ARHGAP42: variants seen among roughly 807,000 people sequenced by gnomAD.
The protein encoded by ARHGAP42 is Rho GTPase activating protein 42.
ARHGAP42 carries 63 observed loss-of-function variants against 125.0 expected under a neutral mutation model. The observed-to-expected ratio is 0.50, with a 90% CI of 0.41 to 0.62. The LOEUF (loss-of-function observed/expected upper bound fraction) is 0.62. Among genes scored for constraint, ARHGAP42 ranks in the 20% least tolerant of loss-of-function variants. The pLI is 0.00. For missense variants in ARHGAP42, 766 were observed against 1,024.2 expected, an observed-to-expected ratio of 0.75 and a Z score of 3.44; for synonymous variants, 339 against 351.0, an observed-to-expected ratio of 0.97 and a Z score of 0.38.
chr11:100,722,117 G>C (rs754364065), intron 1 of ARHGAP42, among the ~76,000 whole-genome samples: 1 of 152,164 alleles, frequency 6.6e-6, no homozygotes, highest in Non-Finnish European at 1.5e-5. Flanking sequence ...GGTGCTGTCA[G>C]TGTTTTGGAT....
At chr11:100,878,713 A>T (rs1341453330) in intron 4 of ARHGAP42, among the ~76,000 whole-genome samples, 4 of 152,120 alleles carry the variant, frequency 2.6e-5, no homozygotes, top group Non-Finnish European at 4.4e-5. Context: ...AGTCAGTGGC[A>T]AGAGCATCCT....
At chr11:100,768,354 T>C (rs1385949982) in intron 1 of ARHGAP42, among the ~76,000 whole-genome samples, 1 of 151,760 alleles carries the variant, frequency 6.6e-6, no homozygotes, top group Non-Finnish European at 1.5e-5. Context: ...TGAAGAAAGG[T>C]GGGGGATGAG....
At chr11:100,758,520 GACTGGCAGGC>G (rs1332269414) in intron 1 of ARHGAP42, among the ~76,000 whole-genome samples, 1 of 152,086 alleles carries the variant, frequency 6.6e-6, no homozygotes, top group African/African-American at 2.4e-5. Context: ...TTTTTTCCTT[GACTGGCAGGC>G]ACTGTGGCTG....
chr11:100,953,263 C>T (rs531895683), intron 12 of ARHGAP42, among the ~76,000 whole-genome samples: 3 of 152,268 alleles, frequency 2.0e-5, no homozygotes, highest in Admixed American at 6.5e-5. Context: ...TCGAAGAGTA[C>T]TCATTTATAT....
intron 1 of ARHGAP42, among the ~76,000 whole-genome samples, chr11:100,712,444 A>G (rs1318809188): frequency 6.6e-6 from 1 of 152,218 alleles, no homozygotes; most frequent in Non-Finnish European, 1.5e-5. Flanking sequence ...TGTGAAAAAA[A>G]TTAGTAAAAT....
chr11:100,826,059 A>G (rs1253474752), intron 3 of ARHGAP42, among the ~76,000 whole-genome samples: 1 of 151,870 alleles, frequency 6.6e-6, no homozygotes, highest in Non-Finnish European at 1.5e-5. Flanking sequence ...TAGCTGGTAA[A>G]ATGCTGTTTT....
rs1858796486 is a variant in ARHGAP42 at position 100,990,192 on chromosome 11, G to T, written c.*1391G>T. ...TTTCTTCTCAAGATCCTGAAAAGCT[G>T]GTTACCTGCCCTTTGAGTGCCACAG... is the stretch of plus-strand genomic sequence containing the variant. On this transcript the variant is annotated 3_prime_UTR_variant, in exon 24 of 24. Transcript: ENST00000298815. The T allele has an allele frequency of 6.6e-6, 1 of 152,126 alleles. No homozygotes were observed. The allele number at this position is 152,126 out of a possible 1,614,324, so 9.4% of individuals were successfully genotyped here.
intron 3 of ARHGAP42, among the ~76,000 whole-genome samples, chr11:100,829,715 G>A (rs537363968): frequency 6.6e-6 from 1 of 152,238 alleles, no homozygotes; most frequent in Non-Finnish European, 1.5e-5. Context: ...TCTGTTTACG[G>A]TTGTATGTTA....
At chr11:100,766,906 G>T (rs1862842203) in intron 1 of ARHGAP42, among the ~76,000 whole-genome samples, 1 of 152,140 alleles carries the variant, frequency 6.6e-6, no homozygotes, top group Non-Finnish European at 1.5e-5. Context: ...GTATAATCCT[G>T]TCTCTCATTA....
In ARHGAP42 at chr11:100,936,093, A is replaced by T. The variant is rs999626599; in HGVS notation, c.703-110A>T. ...AGCCATAATTGCACCTGGTTGACAG[A>T]GTGATACTCTGTCTCAAAAATAAAT... On this transcript the variant is annotated intron_variant, in intron 7 of 23. Transcript: ENST00000298815. 7 of 1,333,078 alleles carry T rather than the reference A, an allele frequency of 5.3e-6. No individual in the cohort carries two copies. The African/African-American group carries it at 1.0e-4, about 19-fold the overall frequency. The allele number at this position is 1,333,078 out of a possible 1,614,324, so 82.6% of individuals were successfully genotyped here.
At chr11:100,767,976 A>G (rs957315848) in intron 1 of ARHGAP42, among the ~76,000 whole-genome samples, 3 of 152,172 alleles carry the variant, frequency 2.0e-5, no homozygotes, top group African/African-American at 7.2e-5. Flanking sequence ...CTTGGCTGAC[A>G]GTGGTACAAA....
chr11:100,847,008 G>T (rs1395760203), intron 3 of ARHGAP42, among the ~76,000 whole-genome samples: 1 of 152,116 alleles, frequency 6.6e-6, no homozygotes, highest in African/African-American at 2.4e-5. Context: ...AAAACACAGG[G>T]CTTTATTAGT....
chr11:100,982,956 T>G (rs1304640087), intron 22 of ARHGAP42, among the ~76,000 whole-genome samples: 1 of 152,190 alleles, frequency 6.6e-6, no homozygotes, highest in Non-Finnish European at 1.5e-5. Flanking sequence ...AAATTTGTGA[T>G]GTTTAAAATA....
intron 10 of ARHGAP42, among the ~76,000 whole-genome samples, chr11:100,947,808 T>C (rs1371679878): frequency 1.3e-5 from 2 of 152,016 alleles, no homozygotes; most frequent in Non-Finnish European, 2.9e-5. Context: ...TTAATTCCTT[T>C]GTTTCTAATA....
At chr11:100,909,659 T>C (rs1453187740) in intron 4 of ARHGAP42, among the ~76,000 whole-genome samples, 1 of 152,142 alleles carries the variant, frequency 6.6e-6, no homozygotes, top group African/African-American at 2.4e-5. Flanking sequence ...TAGTTTCAGA[T>C]CTTACCTTGA....
chr11:100,747,894 A>T (rs1430440411), intron 1 of ARHGAP42, among the ~76,000 whole-genome samples: 1 of 152,132 alleles, frequency 6.6e-6, no homozygotes, highest in Non-Finnish European at 1.5e-5. Context: ...CTTGTTGCAA[A>T]CATCCCTTTC....
At chr11:100,923,285 A>G (rs1867330102) in intron 6 of ARHGAP42, among the ~76,000 whole-genome samples, 1 of 152,090 alleles carries the variant, frequency 6.6e-6, no homozygotes, top group Admixed American at 6.6e-5. Flanking sequence ...CTTGACACCA[A>G]ACCATCTGAG....
intron 4 of ARHGAP42, among the ~76,000 whole-genome samples, chr11:100,873,857 A>G (rs1865752974): frequency 6.6e-6 from 1 of 152,216 alleles, no homozygotes; most frequent in African/African-American, 2.4e-5. Context: ...TCTAAGGCAC[A>G]TGCCCCTCAA....
In ARHGAP42 at chr11:100,973,312, T is replaced by A. The variant is rs935732313; in HGVS notation, c.1688T>A (p.Ile563Asn). Residue 563 changes from isoleucine (I) to asparagine (N), a missense_variant, in exon 18 of 24, where the codon ATT (isoleucine) becomes AAT (asparagine). Physicochemically the swap from Ile to Asn is moderately radical, Grantham distance 149. Transcript: ENST00000298815. ...NIKFQNIVVE[I>N]LIEHYEKIFH... ...AAATTTCAGAATATTGTGGTAGAAA[T>A]TCTGATAGAGCACTATGAAAAGGTA... The A allele has an allele frequency of 2.6e-6, 4 of 1,550,752 alleles. No individual in the cohort carries two copies. Among genetic ancestry groups the A allele is most frequent in the Non-Finnish European group, 3.5e-6 (4 of 1,146,600 alleles).
Sources: gnomAD v4.1 joint callset for allele counts (sites outside exome capture counted in the v4.1 genomes callset) on GRCh38, gnomAD v4.1.1 for gene constraint, MANE v1.5 for transcripts, NCBI Gene and HGNC (gene_info 2026-07-23, HGNC 2026-07-21) for gene names.